Variants in STX7 observed in about 807,000 individuals in gnomAD.
The protein encoded by STX7 is syntaxin-7.
Under a neutral mutation model 39.6 loss-of-function variants are expected in STX7, and 34 were observed. That is an observed-to-expected ratio of 0.86 (90% confidence interval 0.65 to 1.14). STX7 has a LOEUF of 1.14. STX7 is among the 50% of genes most tolerant of loss of function. The probability of loss-of-function intolerance (pLI) is 0.00; values close to 1 mark genes in which losing one functional copy is unlikely to be tolerated. For missense variants in STX7, 284 were observed against 310.4 expected, an observed-to-expected ratio of 0.92 and a Z score of 0.64; for synonymous variants, 119 against 99.1, an observed-to-expected ratio of 1.20 and a Z score of -1.19.
intron 2 of STX7, among the ~76,000 whole-genome samples, chr6:132,492,522 G>A (rs1775317701): frequency 6.6e-6 from 1 of 152,096 alleles, no homozygotes; most frequent in Admixed American, 6.5e-5. Context: ...GCACATCACA[G>A]GTGTTTAATA....
At chr6:132,507,529 T>G (rs1340641175) in intron 1 of STX7, among the ~76,000 whole-genome samples, 1 of 152,240 alleles carries the variant, frequency 6.6e-6, no homozygotes, top group East Asian at 1.9e-4. Context: ...ATAGCTTTGC[T>G]ATTCTGGACA....
intron 5 of STX7, 105 bp downstream of exon 5, chr6:132,471,358 T>G: frequency 8.0e-7 from 1 of 1,254,496 alleles, no homozygotes; most frequent in South Asian, 1.8e-5. Context: ...ATTTCCAAGA[T>G]ATTCACAGAT....
rs1450742481 is a variant in STX7, at chr6:132,450,883, A to G, written c.*9875T>C. On this transcript the variant is annotated 3_prime_UTR_variant, in exon 10 of 10. Coordinates refer to ENST00000367941, the MANE Select transcript of STX7 (RefSeq NM_003569.3). ...TTCTTGAAAAAAATGACAGCTGAAAACTCCCCAAAATTGGCAAAAGACATA... is the reference window on the plus strand; with the variant it reads ...TTCTTGAAAAAAATGACAGCTGAAAGCTCCCCAAAATTGGCAAAAGACATA... 3 of 151,928 alleles carry G rather than the reference A, an allele frequency of 2.0e-5. No homozygotes were observed. Among genetic ancestry groups the G allele is most frequent in the African/African-American group, 7.2e-5 (3 of 41,440 alleles). 9.4% of individuals were successfully genotyped at this position (151,928 alleles called of 1,614,324 possible).
intron 2 of STX7, among the ~76,000 whole-genome samples, chr6:132,484,013 C>T (rs9483463): frequency 0.27 from 40,942 of 152,056 alleles, 6,306 homozygotes; most frequent in East Asian, 0.65. Flanking sequence ...AAGCCGCAGT[C>T]TTTCCAACCA....
intron 8 of STX7, 21 bp from the exon 9 acceptor site, chr6:132,464,096 A>T (rs1483836439): frequency 4.4e-6 from 7 of 1,600,310 alleles, no homozygotes; most frequent in Non-Finnish European, 6.0e-6. Context: ...AAACACACAC[A>T]CACAAATGTG....
rs753050429 is a variant in STX7 at position 132,471,666 on chromosome 6, T to C, written c.250-66A>G. On this transcript the variant is annotated intron_variant, in intron 4 of 9. Transcript: ENST00000367941. ...TGAAGTTCAACTGAATTTGCGGTAGTTGGCTCTTTATTTAACCCTGAAGTT... is the reference window on the plus strand; with the variant it reads ...TGAAGTTCAACTGAATTTGCGGTAGCTGGCTCTTTATTTAACCCTGAAGTT... 643 of 1,582,324 alleles carry C rather than the reference T, an allele frequency of 4.1e-4. 1 individual carries two copies. Among genetic ancestry groups the C allele is most frequent in the Non-Finnish European group, 5.1e-4 (593 of 1,165,538 alleles).
At chr6:132,484,247 G>A (rs534900658) in intron 2 of STX7, among the ~76,000 whole-genome samples, 83 of 152,062 alleles carry the variant, frequency 5.5e-4, no homozygotes, top group Non-Finnish European at 1.8e-4. Context: ...CTACACATCC[G>A]AAAAAGATGC....
At chr6:132,500,962 C>T (rs75389412) in intron 2 of STX7, among the ~76,000 whole-genome samples, 1,707 of 152,260 alleles carry the variant, frequency 0.011, 36 homozygotes, top group African/African-American at 0.038. Flanking sequence ...GTGGAGGCCC[C>T]TATGTTCATG....
rs1001747996 is a variant in STX7 at position 132,446,537 on chromosome 6, A to G, written c.*14221T>C. 28 of 152,154 alleles carry G rather than the reference A, an allele frequency of 1.8e-4. No homozygotes were observed. The highest frequency in any genetic ancestry group is 6.5e-4 in the African/African-American group (27 of 41,442). The allele number at this position is 152,154 out of a possible 1,614,324, so 9.4% of individuals were successfully genotyped here. A position where few individuals can be genotyped will look rare whatever the true frequency, so the allele number is the denominator to read the frequency against. On this transcript the variant is annotated 3_prime_UTR_variant, in exon 10 of 10. Coordinates refer to ENST00000367941, the MANE Select transcript of STX7 (RefSeq NM_003569.3). ...GCTATCAACTATCGCATTGTCCCCA[A>G]TGTCAGAATGTGCTGAATAAGATTT...
At chr6:132,481,045 T>TTTGGCA (rs1254997324) in intron 2 of STX7, among the ~76,000 whole-genome samples, 2 of 152,120 alleles carry the variant, frequency 1.3e-5, no homozygotes, top group Non-Finnish European at 1.5e-5. Context: ...ACCCCCTAAA[T>TTTGGCA]TTGGCATTGG....
chr6:132,505,556 T>C (rs774774672), intron 1 of STX7, among the ~76,000 whole-genome samples: 7 of 151,692 alleles, frequency 4.6e-5, no homozygotes, highest in Non-Finnish European at 8.8e-5. Flanking sequence ...CATTAAAGGG[T>C]AAATTCAAAC....
chr6:132,473,113 T>A (rs1774776347), intron 3 of STX7, among the ~76,000 whole-genome samples: 2 of 152,108 alleles, frequency 1.3e-5, no homozygotes, highest in Non-Finnish European at 2.9e-5. Flanking sequence ...GAGCTGAGAT[T>A]GCACCACTGC....
At chr6:132,463,749 G>A (rs112402047) in intron 9 of STX7, among the ~76,000 whole-genome samples, 23 of 152,256 alleles carry the variant, frequency 1.5e-4, no homozygotes, top group African/African-American at 2.6e-4. Flanking sequence ...TGTCTCTGCC[G>A]CCCAAACACT....
chr6:132,460,889 T>C (rs1774378745), intron 9 of STX7, 39 bp from the exon 10 acceptor site: 1 of 1,571,190 alleles, frequency 6.4e-7, no homozygotes. Context: ...AAAAAACATG[T>C]TTACAGATTT....
At chr6:132,465,431 T>C (rs1774541246) in intron 8 of STX7, among the ~76,000 whole-genome samples, 1 of 152,178 alleles carries the variant, frequency 6.6e-6, no homozygotes, top group Non-Finnish European at 1.5e-5. Flanking sequence ...CCTTGGACAA[T>C]CACTTAGCCT....
At chr6:132,463,936 C>T in intron 9 of STX7, 57 bp downstream of exon 9, 1 of 1,491,870 alleles carries the variant, frequency 6.7e-7, no homozygotes, top group Non-Finnish European at 9.4e-7. Context: ...AACACAAACA[C>T]ACACACACAC....
intron 1 of STX7, among the ~76,000 whole-genome samples, chr6:132,512,777 C>G (rs1375170959): frequency 1.3e-5 from 2 of 152,118 alleles, no homozygotes; most frequent in Non-Finnish European, 2.9e-5. Context: ...CCGCGCGCAC[C>G]CGGAATGCGG....
intron 8 of STX7, among the ~76,000 whole-genome samples, chr6:132,466,515 T>A (rs984821285): frequency 1.3e-5 from 2 of 152,178 alleles, no homozygotes; most frequent in Non-Finnish European, 2.9e-5. Context: ...CATACATAAA[T>A]GAATACATGT....
chr6:132,481,708 TA>T (rs1390256565), intron 2 of STX7, among the ~76,000 whole-genome samples: 2 of 152,126 alleles, frequency 1.3e-5, no homozygotes, highest in Non-Finnish European at 2.9e-5. Context: ...CCCCTACACT[TA>T]TGCAGCATAC....
Sources: allele counts gnomAD v4.1 joint callset (sites outside exome capture counted in the v4.1 genomes callset), GRCh38; gene constraint gnomAD v4.1.1; transcripts MANE v1.5; gene names NCBI Gene and HGNC (gene_info 2026-07-23, HGNC 2026-07-21).